Variants in DGKE observed in about 807,000 individuals in gnomAD.
The protein encoded by DGKE is DAG kinase epsilon.
A neutral mutation model predicts 70.0 loss-of-function variants in DGKE; 53 were observed. The ratio of observed to expected loss-of-function variants is 0.76; its 90% CI spans 0.61 to 0.95. DGKE has a LOEUF of 0.95. DGKE is among the 40% of genes least tolerant of loss of function. The probability of loss-of-function intolerance (pLI) is 0.00; values close to 1 mark genes in which losing one functional copy is unlikely to be tolerated. For missense variants in DGKE, 655 were observed against 706.9 expected (o/e 0.93, Z 0.83); for synonymous variants, 291 against 257.0 (o/e 1.13, Z -1.27).
At chr17:56,853,347 T>C (rs1810526008) in intron 7 of DGKE, among the ~76,000 whole-genome samples, 1 of 152,228 alleles carries the variant, frequency 6.6e-6, no homozygotes, top group African/African-American at 2.4e-5. Flanking sequence ...TGAGATCATA[T>C]CAAACAAATA....
At chr17:56,853,186 A>T (rs1304633108) in intron 7 of DGKE, among the ~76,000 whole-genome samples, 1 of 152,194 alleles carries the variant, frequency 6.6e-6, no homozygotes, top group Non-Finnish European at 1.5e-5. Context: ...TACATTTTGG[A>T]GATTAGTTCC....
intron 11 of DGKE, 95 bp from the exon 12 acceptor site, chr17:56,862,517 A>G (rs1274885247): frequency 8.7e-7 from 1 of 1,152,210 alleles, no homozygotes; most frequent in African/African-American, 1.6e-5. Context: ...AATGAAATGC[A>G]TAAGGGTTAA....
At chr17:56,852,017 A>C (rs1402582465) in intron 7 of DGKE, among the ~76,000 whole-genome samples, 3 of 152,178 alleles carry the variant, frequency 2.0e-5, no homozygotes, top group African/African-American at 7.2e-5. Context: ...GCGGTGAGCT[A>C]TCATCACGCC....
chr17:56,850,150 A>G (rs73325099), intron 7 of DGKE, among the ~76,000 whole-genome samples: 2,473 of 151,826 alleles, frequency 0.016, 62 homozygotes, highest in African/African-American at 0.057. Flanking sequence ...TGTGGAGACA[A>G]GGTCTCAGTC....
At position 56,862,791 on chromosome 17, in the gene DGKE, G is replaced by A; in HGVS notation, c.1704G>A (p.Ter568=). The A allele has an allele frequency of 6.5e-7, 1 of 1,549,512 alleles. No homozygotes were observed. The change falls in exon 12 of 12, where the codon TAG becomes TAA. Residue 568 remains the stop codon, a stop_retained_variant. Coordinates refer to ENST00000284061, the MANE Select transcript of DGKE (RefSeq NM_003647.3). ...AAGAAGATATAAAGGCGACTGAATAGATGGATGAGGGAGTGAAAACTTTGC... is the reference window on the plus strand; with the variant it reads ...AAGAAGATATAAAGGCGACTGAATAAATGGATGAGGGAGTGAAAACTTTGC... The part of the protein sequence containing the change: ...SDQEDIKATE[*]
Position 56,844,928 on chromosome 17 carries a change from A to G in DGKE, c.624+750A>G, listed in dbSNP as rs192190053. Among the ~76,000 whole-genome samples, 184 of 152,308 alleles carry G rather than the reference A, an allele frequency of 1.2e-3. 1 individual carries two copies. The highest frequency in any genetic ancestry group is 2.0e-3 in the Admixed American group (31 of 15,302). On this transcript the variant is annotated intron_variant, in intron 3 of 11. Coordinates refer to ENST00000284061, the MANE Select transcript of DGKE (RefSeq NM_003647.3). ...TATTTTAAAATTGTACCTTTTTCAAATTAAGATTTTATGACTTACATGCCA... is the reference window on the plus strand; with the variant it reads ...TATTTTAAAATTGTACCTTTTTCAAGTTAAGATTTTATGACTTACATGCCA...
intron 9 of DGKE, among the ~76,000 whole-genome samples, chr17:56,860,654 G>A (rs11651692): frequency 0.22 from 33,021 of 152,222 alleles, 4,112 homozygotes; most frequent in Non-Finnish European, 0.29. Flanking sequence ...CAGAGACTAG[G>A]GAAAGTGGCA....
In DGKE at chr17:56,835,138, A is replaced by G. The variant is rs747298055; in HGVS notation, c.343A>G (p.Asn115Asp). 1.2e-6 allele frequency: 2 copies of G among 1,614,062 alleles called. No homozygotes were observed. The highest frequency in any genetic ancestry group is 2.2e-5 in the South Asian group (2 of 91,084). ...CCAGTGCAAGGAGATTATGCTCAAGAATGACACCAAGGTCCTGGACGCCAT... is the reference window on the plus strand; with the variant it reads ...CCAGTGCAAGGAGATTATGCTCAAGGATGACACCAAGGTCCTGGACGCCAT... ...RFQCKEIMLK[N>D]DTKVLDAMPH... Residue 115 changes from asparagine (N) to aspartate (D), a missense_variant, in exon 2 of 12, where the codon AAT becomes GAT. Coordinates refer to ENST00000284061, the MANE Select transcript of DGKE (RefSeq NM_003647.3).
chr17:56,860,614 AAAT>A (rs1908234028), intron 9 of DGKE, among the ~76,000 whole-genome samples: 1 of 152,238 alleles, frequency 6.6e-6, no homozygotes, highest in Non-Finnish European at 1.5e-5. Context: ...TTACAGGAAT[AAAT>A]AACTGCAATA....
At chr17:56,842,013 T>C (rs1366196975) in intron 2 of DGKE, among the ~76,000 whole-genome samples, 1 of 152,136 alleles carries the variant, frequency 6.6e-6, no homozygotes, top group Non-Finnish European at 1.5e-5. Flanking sequence ...AATTATACGA[T>C]ATTGACATGA....
At chr17:56,850,070 A>C (rs1228215650) in intron 7 of DGKE, among the ~76,000 whole-genome samples, 1 of 151,862 alleles carries the variant, frequency 6.6e-6, no homozygotes, top group Non-Finnish European at 1.5e-5. Flanking sequence ...AATGCATAAG[A>C]GAATGTGGGG....
Position 56,834,761 on chromosome 17 carries a change from G to T in DGKE, c.-18-17G>T, listed in dbSNP as rs774181489. ...ATGGCGAGCTCGGGGTGCACCGCCT[G>T]TTTCTTTTCTGGTTAGGTATCGTCC... On this transcript the variant is annotated splice_polypyrimidine_tract_variant and intron_variant, in intron 1 of 11. Transcript: ENST00000284061. 6.3e-5 allele frequency: 98 copies of T among 1,552,620 alleles called. No homozygotes were observed. The highest frequency in any genetic ancestry group is 8.1e-5 in the Non-Finnish European group (93 of 1,150,780).
At chr17:56,840,501 G>A (rs1269160330) in intron 2 of DGKE, among the ~76,000 whole-genome samples, 5 of 151,838 alleles carry the variant, frequency 3.3e-5, no homozygotes, top group Non-Finnish European at 5.9e-5. Flanking sequence ...TCAGCCTCCC[G>A]AGTAGCTGGG....
chr17:56,841,421 GT>G (rs1567811506), intron 2 of DGKE, among the ~76,000 whole-genome samples: 1 of 152,004 alleles, frequency 6.6e-6, no homozygotes, highest in Non-Finnish European at 1.5e-5. Context: ...TGATATTCTA[GT>G]TAAATAAAAT....
intron 3 of DGKE, among the ~76,000 whole-genome samples, 159 bp downstream of exon 3, chr17:56,844,337 G>T (rs758112238): frequency 2.6e-5 from 4 of 152,146 alleles, no homozygotes; most frequent in Admixed American, 6.5e-5. Context: ...ATGCTATTAT[G>T]GTAAGCCATA....
At chr17:56,859,204 A>G (rs1405979197) in intron 9 of DGKE, among the ~76,000 whole-genome samples, 1 of 150,706 alleles carries the variant, frequency 6.6e-6, no homozygotes, top group Admixed American at 6.6e-5. Flanking sequence ...GGGCGCCTGT[A>G]GTCCCAGCTA....
chr17:56,848,813 T>C lies in DGKE; in HGVS notation c.1006T>C (p.Leu336=), dbSNP rs565388965. Residue 336 remains leucine, a synonymous_variant, in exon 6 of 12, where the codon TTG becomes CTG. Transcript: ENST00000284061. ...YAGEIPVAQV[L]RNVMEADGIK... ...TGGAGAAATTCCAGTTGCGCAGGTTTTGCGAAATGTAATGGAAGCAGATGG... is the reference window on the plus strand; with the variant it reads ...TGGAGAAATTCCAGTTGCGCAGGTTCTGCGAAATGTAATGGAAGCAGATGG... 6.2e-7 allele frequency: 1 copy of C among 1,614,186 alleles called. No homozygotes were observed. The highest frequency in any genetic ancestry group is 1.7e-5 in the Admixed American group (1 of 60,030).
chr17:56,838,296 TATTC>T (rs1342706919), intron 2 of DGKE, among the ~76,000 whole-genome samples: 1 of 152,246 alleles, frequency 6.6e-6, no homozygotes, highest in East Asian at 1.9e-4. Flanking sequence ...GGTGTGTGTT[TATTC>T]ATTTCATTAA....
At position 56,866,012 on chromosome 17, in the gene DGKE, T is replaced by A. The variant is rs919287386; in HGVS notation, c.*3221T>A. On this transcript the variant is annotated 3_prime_UTR_variant, in exon 12 of 12. Transcript: ENST00000284061. The stretch of plus-strand genomic sequence containing the variant: ...CAGCATTTTATATTGATAATTTTTT[T>A]AATATTTCTACCCAGTTGAGGACAG... The A allele has an allele frequency of 2.6e-5, 4 of 152,180 alleles. No individual in the cohort carries two copies. The highest frequency in any genetic ancestry group is 2.1e-4 in the South Asian group (1 of 4,832). The allele number at this position is 152,180 out of a possible 1,614,324, so 9.4% of individuals were successfully genotyped here. A position where few individuals can be genotyped will look rare whatever the true frequency, so the allele number is the denominator to read the frequency against.
Sources: allele counts gnomAD v4.1 joint callset (sites outside exome capture counted in the v4.1 genomes callset), GRCh38; gene constraint gnomAD v4.1.1; transcripts MANE v1.5; gene names NCBI Gene and HGNC (gene_info 2026-07-23, HGNC 2026-07-21).